IL7: variants seen among roughly 807,000 people sequenced by gnomAD.
IL7 encodes interleukin-7.
Under a neutral mutation model 21.6 loss-of-function variants are expected in IL7, and 3 were observed. The observed-to-expected ratio is 0.14, with a 90% CI of 0.06 to 0.36. The LOEUF (loss-of-function observed/expected upper bound fraction) is 0.36. IL7 is among the 10% of genes least tolerant of loss of function. IL7 has a pLI of 1.00. For missense variants in IL7, 175 were observed against 200.2 expected (o/e 0.87, Z 0.76); for synonymous variants, 62 against 68.1 (o/e 0.91, Z 0.44).
At chr8:78,716,552 T>C (rs1473003123), downstream of IL7, among the ~76,000 whole-genome samples, 1 of 152,158 alleles carries the variant, frequency 6.6e-6, no homozygotes, top group Non-Finnish European at 1.5e-5. Context: ...AAGCATCACC[T>C]CACAATCCTT....
chr8:78,694,873 C>T (rs745581060), intron 3 of IL7, among the ~76,000 whole-genome samples: 2 of 152,106 alleles, frequency 1.3e-5, no homozygotes, highest in Non-Finnish European at 2.9e-5. Flanking sequence ...TGTATAAAAT[C>T]ATTTCATTCT....
intron 3 of IL7, chr8:78,712,094 T>A (rs1310730665): frequency 7.8e-6 from 10 of 1,286,890 alleles, no homozygotes; most frequent in Middle Eastern, 2.1e-4. Flanking sequence ...CATGAGTTAT[T>A]ACCTATTTAC....
intron 3 of IL7, among the ~76,000 whole-genome samples, chr8:78,687,846 T>TTTATATA (rs1810066203): frequency 3.0e-5 from 3 of 100,274 alleles, no homozygotes; most frequent in East Asian, 2.9e-4. Flanking sequence ...ATTATATATA[T>TTTATATA]ATTTATATAA....
intron 2 of IL7, among the ~76,000 whole-genome samples, chr8:78,774,799 T>C (rs1289146102): frequency 6.6e-6 from 1 of 152,140 alleles, no homozygotes; most frequent in Non-Finnish European, 1.5e-5. Flanking sequence ...CAGAATAATA[T>C]CATCATGAAA....
downstream of IL7, among the ~76,000 whole-genome samples, chr8:78,728,931 C>A (rs73251607): frequency 1.9e-3 from 295 of 152,010 alleles, 3 homozygotes; most frequent in African/African-American, 6.7e-3. Flanking sequence ...TTTTTACTCC[C>A]TTTGCAACTC....
intron 2 of IL7, among the ~76,000 whole-genome samples, chr8:78,783,856 G>A (rs1813422321): frequency 6.6e-6 from 1 of 152,130 alleles, no homozygotes; most frequent in South Asian, 2.1e-4. Flanking sequence ...AAGCAAAGCA[G>A]CCAAGTATGA....
intron 3 of IL7, among the ~76,000 whole-genome samples, chr8:78,687,529 T>G (rs1243145013): frequency 1.4e-5 from 2 of 143,888 alleles, no homozygotes; most frequent in Non-Finnish European, 3.0e-5. Context: ...TATAATAAAT[T>G]ATATATTTAT....
At chr8:78,745,254 CTAAT>C (rs1440377208) in intron 2 of IL7, among the ~76,000 whole-genome samples, 1 of 152,186 alleles carries the variant, frequency 6.6e-6, no homozygotes, top group African/African-American at 2.4e-5. Flanking sequence ...TTTAGAAACA[CTAAT>C]TACATAAAAA....
chr8:78,777,694 A>T (rs773866315), intron 2 of IL7, among the ~76,000 whole-genome samples: 2 of 152,120 alleles, frequency 1.3e-5, no homozygotes, highest in Admixed American at 6.6e-5. Context: ...ATCAGCTGCC[A>T]TCTGTAAATT....
chr8:78,689,527 AGC>A (rs1037454596), intron 3 of IL7, among the ~76,000 whole-genome samples: 58 of 152,112 alleles, frequency 3.8e-4, no homozygotes, highest in African/African-American at 1.4e-3. Flanking sequence ...GTATGCTTTT[AGC>A]TCTTATATCT....
chr8:78,750,141 G>A (rs903666019), intron 2 of IL7, among the ~76,000 whole-genome samples: 2 of 152,054 alleles, frequency 1.3e-5, no homozygotes, highest in Admixed American at 1.3e-4. Flanking sequence ...GGTTTTATCA[G>A]AGTCTGATCT....
At chr8:78,709,205 C>G (rs959872077) in intron 3 of IL7, among the ~76,000 whole-genome samples, 4 of 152,046 alleles carry the variant, frequency 2.6e-5, no homozygotes, top group African/African-American at 9.7e-5. Context: ...TGTAATACAC[C>G]TAAAATTAGA....
chr8:78,738,633 T>G lies in IL7; in HGVS notation c.231A>C (p.Glu77Asp). Residue 77 changes from glutamate to aspartate, a missense_variant and splice_region_variant, in exon 4 of 6, where the codon GAA becomes GAC. Physicochemically the swap from Glu to Asp is conservative, Grantham distance 45. Transcript: ENST00000263851. ...GAGCAGCACGGAATAAAAACATACC[T>G]TCCTATTATAGGAAAAAGTCAGAAG... is the stretch of plus-strand genomic sequence containing the variant. ...FKRHICDANK[E>D]GMFLFRAARK... 2.5e-6 allele frequency: 4 copies of G among 1,612,464 alleles called. No homozygotes were observed. The highest frequency in any genetic ancestry group is 3.4e-6 in the Non-Finnish European group (4 of 1,179,326).
intron 2 of IL7, among the ~76,000 whole-genome samples, chr8:78,795,454 G>C (rs1199328118): frequency 1.3e-5 from 2 of 151,990 alleles, no homozygotes; most frequent in Non-Finnish European, 2.9e-5. Flanking sequence ...CTTAAGAAGA[G>C]TAGCCATGTT....
intron 4 of IL7, among the ~76,000 whole-genome samples, chr8:78,681,973 C>G (rs759628328): frequency 6.7e-6 from 1 of 148,958 alleles, no homozygotes; most frequent in Non-Finnish European, 1.5e-5. Context: ...AACTCCTGGC[C>G]TCAGGTGATT....
chr8:78,695,191 A>G lies in IL7; in HGVS notation n.215-9244T>C, dbSNP rs550317733. ...AAAGTAATGGGAAATATTATAGGAT[A>G]TAAGTAAGGTTGTTCTAGGTTCTGA... On this transcript the variant is annotated intron_variant and non_coding_transcript_variant, in intron 3 of 4. Coordinates refer to the IL7 transcript ENST00000523959. 3.3e-5 allele frequency among the ~76,000 whole-genome samples: 5 copies of G among 152,334 alleles called. No individual in the cohort carries two copies. In the South Asian group the frequency reaches 6.2e-4, roughly 19 times the overall value.
downstream of IL7, among the ~76,000 whole-genome samples, chr8:78,713,171 A>C (rs1292601204): frequency 6.6e-6 from 1 of 152,158 alleles, no homozygotes; most frequent in Non-Finnish European, 1.5e-5. Flanking sequence ...TAGATTCTAG[A>C]TACAGAGTAA....
chr8:78,793,111 A>G (rs753456550), intron 2 of IL7, among the ~76,000 whole-genome samples: 3 of 152,172 alleles, frequency 2.0e-5, no homozygotes, highest in Non-Finnish European at 2.9e-5. Flanking sequence ...ACTAAGGCAA[A>G]CAAGATCAAT....
At position 78,761,713 on chromosome 8, in the gene IL7, C is replaced by T. The variant is rs554190749; in HGVS notation, c.148-21631G>A. On this transcript the variant is annotated intron_variant, in intron 2 of 5. Coordinates refer to ENST00000263851, the MANE Select transcript of IL7 (RefSeq NM_000880.4). The stretch of plus-strand genomic sequence containing the variant: ...GAATACAGCTCTCACAGATCTCTAG[C>T]ATCTGCCTCTGCTGTGTTTTTGAAC... 3.2e-3 allele frequency: 5,148 copies of T among 1,611,904 alleles called. 194 individuals carry two copies. In the South Asian group the frequency reaches 0.052, roughly 16 times the overall value.
Sources: gnomAD v4.1 joint callset for allele counts (sites outside exome capture counted in the v4.1 genomes callset) on GRCh38, gnomAD v4.1.1 for gene constraint, MANE v1.5 for transcripts, NCBI Gene and HGNC (gene_info 2026-07-23, HGNC 2026-07-21) for gene names.